The following CD83 variants were observed in gnomAD, a reference collection of about 807,000 sequenced individuals.
CD83 encodes the protein CD83 molecule, also known as CD83 antigen.
A neutral mutation model predicts 24.6 loss-of-function variants in CD83; 22 were observed. The ratio of observed to expected loss-of-function variants is 0.90; its 90% confidence interval spans 0.64 to 1.28. CD83 has a LOEUF of 1.28. Among genes scored for constraint, CD83 ranks in the 50% most tolerant of loss-of-function variants. The pLI is 0.00. For synonymous variants in CD83, 101 were observed against 103.5 expected (o/e 0.98, Z 0.14); for missense variants, 253 against 252.8 (o/e 1.00, Z -0.01).
In CD83 at chr6:14,129,477, C is replaced by T. The variant is rs568540780; in HGVS notation, c.154-2043C>T. ...GGAATCAGATGGACACTGTTAGTTTCCTCTAAATTTCCTTGGCCCCACCTC... is the reference window on the plus strand; with the variant it reads ...GGAATCAGATGGACACTGTTAGTTTTCTCTAAATTTCCTTGGCCCCACCTC... On this transcript the variant is annotated intron_variant, in intron 2 of 4. Transcript: ENST00000379153. The surrounding 1 kb of genome is among the most constrained non-coding windows in gnomAD (Gnocchi z 4.3). Among the ~76,000 whole-genome samples the T allele has an allele frequency of 1.8e-4, 27 of 152,312 alleles. No homozygotes were observed. Among genetic ancestry groups the T allele is most frequent in the Middle Eastern group, 6.8e-3 (2 of 294 alleles).
intron 4 of CD83, among the ~76,000 whole-genome samples, 166 bp from the exon 5 acceptor site, chr6:14,134,942 A>G (rs558805016): frequency 1.0e-3 from 155 of 152,344 alleles, no homozygotes; most frequent in African/African-American, 3.5e-3. Flanking sequence ...TAGAGACGCC[A>G]GTGAAATGGT....
In CD83 at chr6:14,118,050, G is replaced by T; in HGVS notation, c.138G>T (p.Thr46=). Residue 46 remains threonine, a synonymous_variant, in exon 2 of 5, where the codon ACG becomes ACT. Coordinates refer to ENST00000379153, the MANE Select transcript of CD83 (RefSeq NM_004233.4). ...CCTGGGATCCGCAGGTTCCCTACAC[G>T]GTCTCCTGGGTCAAGGTAGGTGCTG... is the stretch of plus-strand genomic sequence containing the variant. ...TAPWDPQVPY[T]VSWVKLLEGG... 1.2e-6 allele frequency: 2 copies of T among 1,607,360 alleles called. No homozygotes were observed. Among genetic ancestry groups the T allele is most frequent in the African/African-American group, 1.3e-5 (1 of 74,778 alleles).
rs1485074818 is a variant in CD83 at position 14,135,694 on chromosome 6, G to C, written c.*458G>C. The C allele has an allele frequency of 6.4e-6, 1 of 155,086 alleles. No homozygotes were observed. The highest frequency in any genetic ancestry group is 1.9e-4 in the East Asian group (1 of 5,296). The allele number at this position is 155,086 out of a possible 1,614,324, so 9.6% of individuals were successfully genotyped here. ...AGATGTTTTACGTCTGGGAGAAATT[G>C]ACAGATCAAGCTGTGAGACAGTGGG... is the stretch of plus-strand genomic sequence containing the variant. On this transcript the variant is annotated 3_prime_UTR_variant, in exon 5 of 5. Coordinates refer to ENST00000379153, the MANE Select transcript of CD83 (RefSeq NM_004233.4).
At chr6:14,134,469 G>T (rs1581335707) in intron 4 of CD83, among the ~76,000 whole-genome samples, 1 of 152,164 alleles carries the variant, frequency 6.6e-6, no homozygotes, top group East Asian at 1.9e-4. Context: ...GAAGTGATCT[G>T]CCCCCTTTGT....
chr6:14,125,174 A>G lies in CD83; in HGVS notation c.154-6346A>G, dbSNP rs1307448816. 2.0e-5 allele frequency among the ~76,000 whole-genome samples: 3 copies of G among 152,164 alleles called. No individual in the cohort carries two copies. In the South Asian group the frequency reaches 6.2e-4, roughly 32 times the overall value. On this transcript the variant is annotated intron_variant, in intron 2 of 4. Coordinates refer to ENST00000379153, the MANE Select transcript of CD83 (RefSeq NM_004233.4). Reference sequence around the variant, plus strand: ...CTTCTGGCCTCCTGAACTGTGAGAGAATACATTTCTATTGTTTCAGCCACC... The same window carrying G: ...CTTCTGGCCTCCTGAACTGTGAGAGGATACATTTCTATTGTTTCAGCCACC...
intron 2 of CD83, among the ~76,000 whole-genome samples, chr6:14,126,105 G>C (rs927173975): frequency 1.3e-5 from 2 of 152,242 alleles, no homozygotes; most frequent in African/African-American, 4.8e-5. Context: ...ACATATGGAA[G>C]ATGACCCAGC....
At chr6:14,134,966 T>C in intron 4 of CD83, 142 bp from the exon 5 acceptor site, 2 of 748,058 alleles carry the variant, frequency 2.7e-6, no homozygotes, top group East Asian at 2.6e-5. Flanking sequence ...TACAAATCCC[T>C]TGTGGAGCGA....
chr6:14,128,710 GTTCT>G (rs1323182759), intron 2 of CD83, among the ~76,000 whole-genome samples: 1 of 152,102 alleles, frequency 6.6e-6, no homozygotes, highest in Non-Finnish European at 1.5e-5. Context: ...TCGCTTTGAG[GTTCT>G]TTGTTTTGCC....
intron 2 of CD83, among the ~76,000 whole-genome samples, chr6:14,124,093 T>A (rs1250359304): frequency 6.6e-6 from 1 of 152,234 alleles, no homozygotes; most frequent in African/African-American, 2.4e-5. Flanking sequence ...TCTTTTATAC[T>A]CATAAGCATG....
In CD83 at chr6:14,128,271, C is replaced by T. The variant is rs531560749; in HGVS notation, c.154-3249C>T. 3.9e-5 allele frequency among the ~76,000 whole-genome samples: 6 copies of T among 152,248 alleles called. No individual in the cohort carries two copies. The East Asian group carries it at 5.8e-4, about 15-fold the overall frequency. On this transcript the variant is annotated intron_variant, in intron 2 of 4. Transcript: ENST00000379153. The stretch of plus-strand genomic sequence containing the variant: ...AAGCAGGGTGATAGCTGCCTGGCCA[C>T]GTATCTGATGATAATGATATGAGCT...
intron 2 of CD83, among the ~76,000 whole-genome samples, chr6:14,118,747 C>A (rs1759603088): frequency 6.6e-6 from 1 of 152,152 alleles, no homozygotes; most frequent in African/African-American, 2.4e-5. Context: ...GACAAGGAGG[C>A]TTTTTCAAGG....
In CD83 at chr6:14,135,543, C is replaced by T. The variant is rs1292934389; in HGVS notation, c.*307C>T. Reference sequence around the variant, plus strand: ...ATATAAAAGCTATGGTGAGATGCAGCTGGAAAAGGGTCTTGGGAAATATGA... The same window carrying T: ...ATATAAAAGCTATGGTGAGATGCAGTTGGAAAAGGGTCTTGGGAAATATGA... On this transcript the variant is annotated 3_prime_UTR_variant, in exon 5 of 5. Transcript: ENST00000379153. The T allele has an allele frequency of 1.5e-5, 4 of 275,220 alleles. No homozygotes were observed. 17.0% of individuals were successfully genotyped at this position (275,220 alleles called of 1,614,324 possible).
chr6:14,135,345 A>C lies in CD83; in HGVS notation c.*109A>C. On this transcript the variant is annotated 3_prime_UTR_variant, in exon 5 of 5. Transcript: ENST00000379153. ...CTACGCTGAAGATGGCATCCTGTGA[A>C]GTCCTTCACCTCACTGAAAACATCT... is the stretch of plus-strand genomic sequence containing the variant. The C allele has an allele frequency of 8.1e-7, 1 of 1,241,578 alleles. No homozygotes were observed. The highest frequency in any genetic ancestry group is 1.5e-5 in the South Asian group (1 of 68,892). The allele number at this position is 1,241,578 out of a possible 1,614,324, so 76.9% of individuals were successfully genotyped here.
chr6:14,133,378 C>T (rs776915430), intron 3 of CD83, among the ~76,000 whole-genome samples: 7 of 152,324 alleles, frequency 4.6e-5, no homozygotes, highest in Admixed American at 6.5e-5. Flanking sequence ...CTCTGAGCCT[C>T]GGCTCTTTCA....
rs1312964957 is a variant in CD83, at chr6:14,118,066, G to A, written c.153+1G>A. On this transcript the variant is annotated splice_donor_variant, in intron 2 of 4. Transcript: ENST00000379153. LOFTEE classifies it high-confidence loss of function. ...TCCCTACACGGTCTCCTGGGTCAAGGTAGGTGCTGCGATACCCACGGGCTG... is the reference window on the plus strand; with the variant it reads ...TCCCTACACGGTCTCCTGGGTCAAGATAGGTGCTGCGATACCCACGGGCTG... 1.9e-6 allele frequency: 3 copies of A among 1,600,916 alleles called. No individual in the cohort carries two copies. Among genetic ancestry groups the A allele is most frequent in the African/African-American group, 1.3e-5 (1 of 74,644 alleles).
chr6:14,135,375 G>T lies in CD83; in HGVS notation c.*139G>T. Reference sequence around the variant, plus strand: ...TTCACCTCACTGAAAACATCTGGAAGGGGATCCCACCCCATTTTCTGTGGG... The same window carrying T: ...TTCACCTCACTGAAAACATCTGGAATGGGATCCCACCCCATTTTCTGTGGG... On this transcript the variant is annotated 3_prime_UTR_variant, in exon 5 of 5. Transcript: ENST00000379153. 1 of 934,546 alleles carries T rather than the reference G, an allele frequency of 1.1e-6. No homozygotes were observed. 57.9% of individuals were successfully genotyped at this position (934,546 alleles called of 1,614,324 possible).
At chr6:14,122,073 G>A (rs563436092) in intron 2 of CD83, among the ~76,000 whole-genome samples, 21 of 152,268 alleles carry the variant, frequency 1.4e-4, no homozygotes, top group Middle Eastern at 3.4e-3. Context: ...AGCATCACAA[G>A]ACAAGTGCCC....
At chr6:14,126,334 C>G (rs1229111982) in intron 2 of CD83, among the ~76,000 whole-genome samples, 1 of 152,142 alleles carries the variant, frequency 6.6e-6, no homozygotes, top group Non-Finnish European at 1.5e-5. Flanking sequence ...TCTGTGTGAT[C>G]GATATGATGC....
chr6:14,127,793 A>G (rs1017258007), intron 2 of CD83, among the ~76,000 whole-genome samples: 1 of 152,214 alleles, frequency 6.6e-6, no homozygotes, highest in Non-Finnish European at 1.5e-5. Context: ...GCACTTTTCC[A>G]GCCCAACCAA....
Sources: allele counts gnomAD v4.1 joint callset (sites outside exome capture counted in the v4.1 genomes callset), GRCh38; gene constraint gnomAD v4.1.1; non-coding constraint Gnocchi (gnomAD v3.1); transcripts MANE v1.5; gene names NCBI Gene and HGNC (gene_info 2026-07-23, HGNC 2026-07-21).